UXS1: variants seen among roughly 807,000 people sequenced by gnomAD.
UXS1 encodes the protein UDP-glucuronate decarboxylase 1.
In UXS1, 33 loss-of-function variants were observed where a neutral mutation model predicts 62.6. The ratio of observed to expected loss-of-function variants is 0.53; its 90% CI spans 0.40 to 0.70. The LOEUF is 0.70. UXS1 is among the 30% of genes least tolerant of loss of function. The pLI is 0.00. For missense variants in UXS1, 434 were observed against 556.3 expected (o/e 0.78, Z 2.21); for synonymous variants, 213 against 206.8 (o/e 1.03, Z -0.26).
At position 106,101,088 on chromosome 2, in the gene UXS1, C is replaced by T. The variant is rs758742740; in HGVS notation, c.954G>A (p.Met318Ile). 6.2e-7 allele frequency: 1 copy of T among 1,613,808 alleles called. No individual in the cohort carries two copies. Among genetic ancestry groups the T allele is most frequent in the South Asian group, 1.1e-5 (1 of 91,064 alleles). ...SDLVNGLVALMNSNVSSPVNL... is the reference protein window; with the variant it reads ...SDLVNGLVALINSNVSSPVNL... Reference sequence around the variant, plus strand: ...TGACCGGGCTGCTGACGTTGCTGTTCATGAGAGCCACGAGGCCATTCACTA... The same window carrying T: ...TGACCGGGCTGCTGACGTTGCTGTTTATGAGAGCCACGAGGCCATTCACTA... Residue 318 changes from methionine (M) to isoleucine (I), a missense_variant, in exon 12 of 15, where the codon ATG (methionine) becomes ATA (isoleucine). By Grantham distance (10) the Met-to-Ile change is conservative (BLOSUM62 1). This residue lies in a region of UXS1 where 209 missense variants were observed against 233.3 expected (regional missense o/e 0.90). Transcript: ENST00000283148.
At chr2:106,173,981 AC>A (rs950974898) in intron 1 of UXS1, among the ~76,000 whole-genome samples, 2 of 151,832 alleles carry the variant, frequency 1.3e-5, no homozygotes, top group Admixed American at 6.6e-5. Context: ...TATATAATGC[AC>A]CCTGGAGAAG....
chr2:106,138,779 A>C, intron 6 of UXS1: 1 of 985,490 alleles, frequency 1.0e-6, no homozygotes, highest in Non-Finnish European at 1.2e-6. Context: ...CCCATTTGAG[A>C]GGAAACTGAA....
chr2:106,117,685 C>G (rs148369949), intron 9 of UXS1, among the ~76,000 whole-genome samples: 187 of 152,310 alleles, frequency 1.2e-3, no homozygotes, highest in African/African-American at 4.0e-3. Flanking sequence ...CACCAAGGTA[C>G]AGCAGCCCAG....
At chr2:106,097,719 C>T (rs1006543605) in intron 13 of UXS1, 29 of 189,848 alleles carry the variant, frequency 1.5e-4, no homozygotes, top group African/African-American at 6.4e-4. Context: ...CGTTGGCCCA[C>T]GGGCCTCACT....
intron 12 of UXS1, among the ~76,000 whole-genome samples, chr2:106,099,296 T>C (rs1677390771): frequency 6.6e-6 from 1 of 152,118 alleles, no homozygotes; most frequent in Non-Finnish European, 1.5e-5. Flanking sequence ...GAGAGAATAC[T>C]TGTGTGGGGG....
intron 10 of UXS1, among the ~76,000 whole-genome samples, chr2:106,105,320 A>G (rs1677966438): frequency 6.6e-6 from 1 of 152,146 alleles, no homozygotes; most frequent in South Asian, 2.1e-4. Flanking sequence ...TGTTACAGCT[A>G]GCTCCCCAGG....
At chr2:106,103,706 G>C (rs1021894837) in intron 11 of UXS1, among the ~76,000 whole-genome samples, 2 of 152,182 alleles carry the variant, frequency 1.3e-5, no homozygotes, top group African/African-American at 4.8e-5. Flanking sequence ...TGCCCCTTGA[G>C]GCAAGATATT....
intron 13 of UXS1, 26 bp from the exon 14 acceptor site, chr2:106,096,847 T>C (rs760023230): frequency 2.8e-5 from 44 of 1,553,690 alleles, no homozygotes; most frequent in Non-Finnish European, 3.7e-5. Context: ...AAAAAAAAGG[T>C]AGGAGAGAAT....
At chr2:106,099,818 CTGTTT>C (rs956012629) in intron 12 of UXS1, among the ~76,000 whole-genome samples, 8 of 152,300 alleles carry the variant, frequency 5.3e-5, no homozygotes, top group African/African-American at 1.2e-4. Flanking sequence ...ACGTTCTGGT[CTGTTT>C]TAAGTGAATT....
intron 7 of UXS1, among the ~76,000 whole-genome samples, chr2:106,126,455 C>G (rs1474369599): frequency 6.6e-6 from 1 of 151,958 alleles, no homozygotes; most frequent in African/African-American, 2.4e-5. Flanking sequence ...CTCAGCTCTG[C>G]CCCCCCACCA....
rs538047380 is a variant in UXS1 at position 106,151,286 on chromosome 2, G to A, written c.292-5916C>T. Among the ~76,000 whole-genome samples, 30 of 152,212 alleles carry A rather than the reference G, an allele frequency of 2.0e-4. No homozygotes were observed. In the South Asian group the frequency reaches 6.0e-3, roughly 31 times the overall value. ...TAAGAAGGACATAAATTCTAGAGAC[G>A]GCAGCCAGAATGCTATGGGTTTGAA... On this transcript the variant is annotated intron_variant, in intron 5 of 14. Coordinates refer to ENST00000283148, the MANE Select transcript of UXS1 (RefSeq NM_001253875.2).
intron 1 of UXS1, chr2:106,183,820 A>G (rs1294276308): frequency 6.6e-6 from 1 of 152,220 alleles, no homozygotes; most frequent in African/African-American, 2.4e-5. Context: ...TTTTCATTTT[A>G]CAAATGGAAA....
At chr2:106,164,485 C>A (rs909836477) in intron 3 of UXS1, among the ~76,000 whole-genome samples, 15 of 152,180 alleles carry the variant, frequency 9.9e-5, no homozygotes, top group African/African-American at 3.4e-4. Context: ...CTAAAAAACG[C>A]TTACCTGAAA....
chr2:106,168,772 A>T (rs186274050), intron 1 of UXS1, among the ~76,000 whole-genome samples: 1 of 152,230 alleles, frequency 6.6e-6, no homozygotes, highest in African/African-American at 2.4e-5. Flanking sequence ...CATTTGATGA[A>T]ATCAGAAAGC....
At chr2:106,128,324 C>G (rs1212611034) in intron 7 of UXS1, among the ~76,000 whole-genome samples, 1 of 152,184 alleles carries the variant, frequency 6.6e-6, no homozygotes, top group East Asian at 1.9e-4. Flanking sequence ...AATGAATCAT[C>G]TTACTCCAAA....
intron 7 of UXS1, among the ~76,000 whole-genome samples, chr2:106,126,371 C>G (rs1433040680): frequency 7.0e-6 from 1 of 143,052 alleles, no homozygotes; most frequent in Non-Finnish European, 1.5e-5. Context: ...CCGTCACTAA[C>G]CCTGTACTTA....
rs1437702259 is a variant in UXS1, at chr2:106,093,880, T to C, written c.*146A>G. Reference sequence around the variant, plus strand: ...TGAGGGGAGCTTTTAGGCACATCCATTTCATTAAAGCAAGCTTCAGAATGA... The same window carrying C: ...TGAGGGGAGCTTTTAGGCACATCCACTTCATTAAAGCAAGCTTCAGAATGA... On this transcript the variant is annotated 3_prime_UTR_variant, in exon 15 of 15. Transcript: ENST00000283148. The C allele has an allele frequency of 8.4e-7, 1 of 1,186,460 alleles. No homozygotes were observed. The highest frequency in any genetic ancestry group is 1.1e-6 in the Non-Finnish European group (1 of 891,998). 73.5% of individuals were successfully genotyped at this position (1,186,460 alleles called of 1,614,324 possible).
At chr2:106,146,687 G>C (rs1681593764) in intron 5 of UXS1, among the ~76,000 whole-genome samples, 1 of 140,168 alleles carries the variant, frequency 7.1e-6, no homozygotes, top group Non-Finnish European at 1.5e-5. Context: ...GGCTAAGGCA[G>C]AAGACTCACT....
intron 1 of UXS1, among the ~76,000 whole-genome samples, chr2:106,167,906 A>C (rs1322430648): frequency 6.6e-6 from 1 of 152,186 alleles, no homozygotes; most frequent in Admixed American, 6.5e-5. Flanking sequence ...TCACACCTGT[A>C]ATCCCAGCAC....
Sources: gnomAD v4.1 joint callset for allele counts (sites outside exome capture counted in the v4.1 genomes callset) on GRCh38, gnomAD v4.1.1 for gene constraint, gnomAD v4.1.1 regional missense constraint, MANE v1.5 for transcripts, NCBI Gene and HGNC (gene_info 2026-07-23, HGNC 2026-07-21) for gene names.